Variants in TJP2 observed in about 807,000 individuals in gnomAD.
TJP2 encodes Friedreich ataxia region gene X104 (tight junction protein ZO-2).
In TJP2, 91 loss-of-function variants were observed where a neutral mutation model predicts 133.1. The observed-to-expected ratio is 0.68, with a 90% CI of 0.58 to 0.81. The LOEUF is 0.81. Among genes scored for constraint, TJP2 ranks in the 40% least tolerant of loss-of-function variants. The pLI, the probability that TJP2 is intolerant of heterozygous loss-of-function variation, is 0.00. For synonymous variants in TJP2, 592 were observed against 583.4 expected, an observed-to-expected ratio of 1.01 and a Z score of -0.21; for missense variants, 1,541 against 1,565.6, an observed-to-expected ratio of 0.98 and a Z score of 0.26.
At chr9:69,171,881 C>T (rs905828305), upstream of TJP2, among the ~76,000 whole-genome samples, 6 of 148,442 alleles carry the variant, frequency 4.0e-5, no homozygotes, top group East Asian at 8.0e-4. Context: ...CTGTAACCTC[C>T]GCCTCTTGGG....
intron 1 of TJP2, 86 bp downstream of exon 1, chr9:69,174,518 C>T: frequency 1.4e-6 from 2 of 1,413,264 alleles, no homozygotes; most frequent in South Asian, 1.2e-5. Context: ...GCGTGCTGCT[C>T]TGAAGTTGTT....
intron 4 of TJP2, chr9:69,218,673 C>G (rs1344430558): frequency 2.7e-6 from 1 of 374,124 alleles, no homozygotes; most frequent in East Asian, 6.5e-5. Flanking sequence ...TAGAAAAAAA[C>G]TTTCAGCTCA....
chr9:69,131,137 G>A (rs10122932), intron 1 of TJP2, among the ~76,000 whole-genome samples: 2 of 151,952 alleles, frequency 1.3e-5, no homozygotes, highest in African/African-American at 4.8e-5. Context: ...GATAATTAAC[G>A]TAAAACCAGG....
intron 1 of TJP2, among the ~76,000 whole-genome samples, chr9:69,189,417 G>A (rs1253661712): frequency 6.6e-6 from 1 of 152,112 alleles, no homozygotes; most frequent in East Asian, 1.9e-4. Context: ...GGCAGTCTAA[G>A]GTAGTGTTAC....
chr9:69,200,382 T>TG (rs1826899655), intron 1 of TJP2, among the ~76,000 whole-genome samples: 1 of 127,244 alleles, frequency 7.9e-6, no homozygotes, highest in African/African-American at 3.0e-5. Context: ...CACTGTTTTG[T>TG]GGTTTTTTAC....
chr9:69,232,289 G>A (rs1490914233), intron 11 of TJP2, among the ~76,000 whole-genome samples: 1 of 152,158 alleles, frequency 6.6e-6, no homozygotes, highest in African/African-American at 2.4e-5. Flanking sequence ...TCTAGAAAGG[G>A]GTGAAAAAGA....
rs1476720892 is a variant in TJP2 at position 69,174,283 on chromosome 9, C to T, written c.-90C>T. 1.3e-6 allele frequency: 2 copies of T among 1,547,986 alleles called. No individual in the cohort carries two copies. The highest frequency in any genetic ancestry group is 1.7e-6 in the Non-Finnish European group (2 of 1,145,524). ...GGCGGTTGGGCTGCGGGTCAGAGCA[C>T]TGTCCGGTGGTGCCCAGGAGGAGTA... On this transcript the variant is annotated 5_prime_UTR_variant, in exon 1 of 23. Coordinates refer to ENST00000377245, the MANE Select transcript of TJP2 (RefSeq NM_004817.4).
At chr9:69,152,945 C>T (rs1289196941) in intron 2 of TJP2, among the ~76,000 whole-genome samples, 1 of 150,170 alleles carries the variant, frequency 6.7e-6, no homozygotes. Context: ...AGGTCCCAGC[C>T]AGGCAAGGCA....
intron 1 of TJP2, among the ~76,000 whole-genome samples, chr9:69,137,318 T>TCTTTC (rs1822817151): frequency 7.2e-6 from 1 of 139,368 alleles, no homozygotes; most frequent in African/African-American, 2.8e-5. Context: ...TCTTTTCTTT[T>TCTTTC]CTTTTCTTTT....
Position 69,235,996 on chromosome 9 carries a change from TGAATGCAACAAAC to T in TJP2, c.1781-29_1781-17del, listed in dbSNP as rs765734217. On this transcript the variant is annotated intron_variant, in intron 12 of 22. Transcript: ENST00000377245. ...TCTAGTACTGTAACTTGTACTAAGC[TGAATGCAACAAAC>T]GATGCTTTTGTCTTTCAGTGTATAG... is the stretch of plus-strand genomic sequence containing the variant. 1.2e-5 allele frequency: 20 copies of T among 1,606,470 alleles called. No individual in the cohort carries two copies. In the Admixed American group the frequency reaches 1.7e-4, roughly 13 times the overall value.
At chr9:69,185,789 G>A (rs951445696) in intron 1 of TJP2, among the ~76,000 whole-genome samples, 53 of 151,846 alleles carry the variant, frequency 3.5e-4, no homozygotes, top group African/African-American at 1.0e-3. Flanking sequence ...CAAATCTCTC[G>A]CGGAGGGAAC....
chr9:69,234,576 TGGGGTG>T, intron 12 of TJP2, 29 bp downstream of exon 12: 2 of 229,710 alleles, frequency 8.7e-6, no homozygotes, highest in Non-Finnish European at 1.6e-5. Context: ...TTAGTTTAGT[TGGGGTG>T]GGGGTGGGGA....
At chr9:69,248,534 T>G in intron 19 of TJP2, 2 of 1,288,162 alleles carry the variant, frequency 1.6e-6, no homozygotes, top group Non-Finnish European at 2.0e-6. Flanking sequence ...TTCCTTCCCA[T>G]GCAGTATTGT....
At chr9:69,240,962 C>G (rs1386927303) in intron 17 of TJP2, among the ~76,000 whole-genome samples, 1 of 151,696 alleles carries the variant, frequency 6.6e-6, no homozygotes, top group Admixed American at 6.6e-5. Context: ...TATGGTTGAC[C>G]TAATATAATG....
At chr9:69,241,710 A>G (rs1221210179) in intron 17 of TJP2, among the ~76,000 whole-genome samples, 1 of 152,164 alleles carries the variant, frequency 6.6e-6, no homozygotes, top group Non-Finnish European at 1.5e-5. Context: ...CTATTATAGC[A>G]ACAGTAAAGA....
chr9:69,230,122 G>A lies in TJP2; in HGVS notation c.1561G>A (p.Val521Met), dbSNP rs765095120. The stretch of plus-strand genomic sequence containing the variant: ...GGTAAGGTTCAAGAAGGGAGACAGC[G>A]TGGGCCTCCGGTTGGCTGGTGGCAA... The part of the protein sequence containing the change: ...KMVRFKKGDS[V>M]GLRLAGGNDV... Residue 521 changes from valine (V) to methionine (M), a missense_variant, in exon 11 of 23, where the codon GTG becomes ATG. Val to Met is a conservative substitution (Grantham distance 21). Coordinates refer to ENST00000377245, the MANE Select transcript of TJP2 (RefSeq NM_004817.4). The A allele has an allele frequency of 5.6e-6, 9 of 1,614,070 alleles. No individual in the cohort carries two copies. The highest frequency in any genetic ancestry group is 1.6e-4 in the Middle Eastern group (1 of 6,080).
At chr9:69,208,932 C>T (rs945913898) in intron 1 of TJP2, among the ~76,000 whole-genome samples, 1 of 152,046 alleles carries the variant, frequency 6.6e-6, no homozygotes, top group African/African-American at 2.4e-5. Flanking sequence ...AATTTGACAG[C>T]TTTAAGGTAC....
intron 1 of TJP2, among the ~76,000 whole-genome samples, chr9:69,181,344 G>A (rs1014777735): frequency 7.0e-6 from 1 of 142,572 alleles, no homozygotes; most frequent in Non-Finnish European, 1.5e-5. Context: ...TGCCTCCTAG[G>A]TTCAAGCGAT....
chr9:69,218,569 C>A, intron 4 of TJP2: 1 of 591,420 alleles, frequency 1.7e-6, no homozygotes, highest in Admixed American at 2.5e-5. Flanking sequence ...CAGTGATTCT[C>A]TGATCTGAGT....
Sources: allele counts gnomAD v4.1 joint callset (sites outside exome capture counted in the v4.1 genomes callset), GRCh38; gene constraint gnomAD v4.1.1; transcripts MANE v1.5; gene names NCBI Gene and HGNC (gene_info 2026-07-23, HGNC 2026-07-21).